GNAT3: variants seen among roughly 807,000 people sequenced by gnomAD.
The protein encoded by GNAT3 is guanine nucleotide-binding protein G(t) subunit alpha-3.
In GNAT3, 31 loss-of-function variants were observed where a neutral mutation model predicts 37.7. That is an observed-to-expected ratio of 0.82 (90% CI 0.62 to 1.11). GNAT3 has a LOEUF of 1.11. Among genes scored for constraint, GNAT3 ranks in the 50% most tolerant of loss-of-function variants. GNAT3 has a pLI of 0.00. For synonymous variants in GNAT3, 138 were observed against 139.8 expected (o/e 0.99, Z 0.09); for missense variants, 437 against 412.5 (o/e 1.06, Z -0.51).
At chr7:80,479,023 A>T (rs1790348812) in intron 3 of GNAT3, 25 bp from the exon 4 acceptor site, 1 of 1,511,432 alleles carries the variant, frequency 6.6e-7, no homozygotes, top group African/African-American at 1.4e-5. Flanking sequence ...TGGTGAGAAT[A>T]AGTATGTATT....
chr7:80,490,519 C>T lies in GNAT3; in HGVS notation c.162-1843G>A, dbSNP rs76178572. Among the ~76,000 whole-genome samples the T allele has an allele frequency of 6.8e-3, 1,033 of 152,102 alleles. 9 individuals are homozygous for T. The highest frequency in any genetic ancestry group is 0.023 in the African/African-American group (959 of 41,484). On this transcript the variant is annotated intron_variant, in intron 2 of 7. Transcript: ENST00000398291. ...GTGTAAGGTATCAAAGAAGACATCCCGGAAGCAGTGATAATCAGCTGATTG... is the reference window on the plus strand; with the variant it reads ...GTGTAAGGTATCAAAGAAGACATCCTGGAAGCAGTGATAATCAGCTGATTG...
In GNAT3 at chr7:80,458,778, A is replaced by C; in HGVS notation, c.958T>G (p.Tyr320Asp). 1 of 1,597,608 alleles carries C rather than the reference A, an allele frequency of 6.3e-7. No homozygotes were observed. Among genetic ancestry groups the C allele is most frequent in the East Asian group, 2.2e-5 (1 of 44,544 alleles). ...LNLKKEDKEIYSHMTCATDTQ... is the reference protein window; with the variant it reads ...LNLKKEDKEIDSHMTCATDTQ... The stretch of plus-strand genomic sequence containing the variant: ...TCAGTAGCACAGGTCATGTGGGAAT[A>C]AATTTCCTTATCTTCTTTTTTTAAA... The change falls in exon 8 of 8, where the codon TAT (tyrosine) becomes GAT (aspartate). Residue 320 changes from tyrosine to aspartate, a missense_variant. Physicochemically the swap from Tyr to Asp is radical, Grantham distance 160 (BLOSUM62 -3). Transcript: ENST00000398291.
At position 80,468,059 on chromosome 7, in the gene GNAT3, C is replaced by G. The variant is rs1584169461; in HGVS notation, c.591-5428G>C. On this transcript the variant is annotated intron_variant, in intron 5 of 7. Coordinates refer to ENST00000398291, the MANE Select transcript of GNAT3 (RefSeq NM_001102386.3). ...AATTTATGATGTAGCTAAAAATTGA[C>G]AGGCCAGGCTTTTAAGTGACAGTCG... Among the ~76,000 whole-genome samples, 6 of 151,844 alleles carry G rather than the reference C, an allele frequency of 4.0e-5. No individual in the cohort carries two copies. In the South Asian group the frequency reaches 1.2e-3, roughly 31 times the overall value.
In GNAT3 at chr7:80,478,902, G is replaced by T. The variant is rs967675472; in HGVS notation, c.400C>A (p.Pro134Thr). 3.1e-6 allele frequency: 5 copies of T among 1,613,368 alleles called. No homozygotes were observed. In the East Asian group the frequency reaches 8.9e-5, roughly 29 times the overall value. The stretch of plus-strand genomic sequence containing the variant: ...CTTTCAAAGCAGGCCTGAATTCCTG[G>T]ATCTCTCCACAGCCGTTTTATTACC... ...AEVIKRLWRDPGIQACFERAS... is the reference protein window; with the variant it reads ...AEVIKRLWRDTGIQACFERAS... The change falls in exon 4 of 8, where the codon CCA becomes ACA. Residue 134 changes from proline (P) to threonine (T), a missense_variant. Physicochemically the swap from Pro to Thr is conservative, Grantham distance 38. Transcript: ENST00000398291.
Position 80,511,789 on chromosome 7 carries a change from C to A in GNAT3, c.118+20G>T. 1.3e-6 allele frequency: 2 copies of A among 1,525,728 alleles called. No homozygotes were observed. Among genetic ancestry groups the A allele is most frequent in the Non-Finnish European group, 9.0e-7 (1 of 1,108,310 alleles). The allele number at this position is 1,525,728 out of a possible 1,614,324, so 94.5% of individuals were successfully genotyped here. A position where few individuals can be genotyped will look rare whatever the true frequency, so the allele number is the denominator to read the frequency against. On this transcript the variant is annotated intron_variant, in intron 1 of 7. Transcript: ENST00000398291. ...GAAAAAAAAGTCAGGTTTTTGAAAG[C>A]AAAAGGGAAAAGAAATTACCTAATA... is the stretch of plus-strand genomic sequence containing the variant.
chr7:80,492,490 T>C (rs989899294), intron 2 of GNAT3, among the ~76,000 whole-genome samples: 3 of 151,934 alleles, frequency 2.0e-5, no homozygotes, highest in Admixed American at 6.6e-5. Context: ...TTGTAATAGT[T>C]ATATAATATT....
In GNAT3 at chr7:80,488,567, G is replaced by A. The variant is rs6956292; in HGVS notation, c.271C>T (p.Leu91Phe). 4.4e-6 allele frequency: 7 copies of A among 1,600,714 alleles called. No individual in the cohort carries two copies. The East Asian group carries it at 1.6e-4, about 36-fold the overall frequency. The part of the protein sequence containing the change: ...ILAIVKAMTT[L>F]GIDYVNPRSA... Reference sequence around the variant, plus strand: ...CTGGGATTTACATAATCAATTCCAAGGGTAGTCATGGCTTTCACAATAGCT... The same window carrying A: ...CTGGGATTTACATAATCAATTCCAAAGGTAGTCATGGCTTTCACAATAGCT... Residue 91 changes from leucine to phenylalanine, a missense_variant, in exon 3 of 8, where the codon CTT becomes TTT. By Grantham distance (22) the Leu-to-Phe change is conservative (BLOSUM62 0). Coordinates refer to ENST00000398291, the MANE Select transcript of GNAT3 (RefSeq NM_001102386.3).
chr7:80,471,491 G>A (rs1343608362), intron 5 of GNAT3, among the ~76,000 whole-genome samples: 3 of 151,856 alleles, frequency 2.0e-5, no homozygotes, highest in Non-Finnish European at 4.4e-5. Context: ...GAGGATTTAC[G>A]TGTTTATTGG....
intron 1 of GNAT3, among the ~76,000 whole-genome samples, chr7:80,508,932 A>G (rs944255754): frequency 1.3e-5 from 2 of 152,068 alleles, no homozygotes; most frequent in African/African-American, 4.8e-5. Flanking sequence ...TAGATTTCTT[A>G]TTTTTGTAAA....
intron 2 of GNAT3, among the ~76,000 whole-genome samples, chr7:80,489,819 C>T (rs535572256): frequency 6.6e-6 from 1 of 152,106 alleles, no homozygotes; most frequent in South Asian, 2.1e-4. Flanking sequence ...TTAAAGAAAT[C>T]CCAGTTTTCT....
At position 80,486,912 on chromosome 7, in the gene GNAT3, G is replaced by A. The variant is rs140033219; in HGVS notation, c.303+1623C>T. On this transcript the variant is annotated intron_variant, in intron 3 of 7. Transcript: ENST00000398291. ...CTCTGACACAAATGCATGGAATACC[G>A]TATTGCATCTACAAATTTAAACATC... Among the ~76,000 whole-genome samples, 566 of 152,152 alleles carry A rather than the reference G, an allele frequency of 3.7e-3. 2 individuals are homozygous for A. Among genetic ancestry groups the A allele is most frequent in the African/African-American group, 0.013 (539 of 41,538 alleles).
In GNAT3 at chr7:80,511,850, T is replaced by C. The variant is rs73369087; in HGVS notation, c.77A>G (p.Asp26Gly). ...TACGGTTCTTGCATCTCGCTCAGCA[T>C]CCTCCTGAAGCTTTTTCTCCAGTTC... is the stretch of plus-strand genomic sequence containing the variant. ...SKELEKKLQE[D>G]AERDARTVKL... The change falls in exon 1 of 8, where the codon GAT (aspartate) becomes GGT (glycine). Residue 26 changes from aspartate to glycine, a missense_variant. By Grantham distance (94) the Asp-to-Gly change is moderately conservative. Transcript: ENST00000398291. 1.2e-6 allele frequency: 2 copies of C among 1,612,320 alleles called. No individual in the cohort carries two copies. The highest frequency in any genetic ancestry group is 2.7e-5 in the African/African-American group (2 of 75,010).
At chr7:80,501,915 C>T (rs1413997738) in intron 1 of GNAT3, among the ~76,000 whole-genome samples, 1 of 151,934 alleles carries the variant, frequency 6.6e-6, no homozygotes, top group Non-Finnish European at 1.5e-5. Context: ...CCTCATCAGC[C>T]AAACTAAGTA....
chr7:80,488,669 G>C lies in GNAT3; in HGVS notation c.169C>G (p.His57Asp). 1 of 1,571,304 alleles carries C rather than the reference G, an allele frequency of 6.4e-7. No individual in the cohort carries two copies. The change falls in exon 3 of 8, where the codon CAT (histidine) becomes GAT (aspartate). Residue 57 changes from histidine to aspartate, a missense_variant. Physicochemically the swap from His to Asp is moderately conservative, Grantham distance 81. Coordinates refer to ENST00000398291, the MANE Select transcript of GNAT3 (RefSeq NM_001102386.3). Reference sequence around the variant, plus strand: ...TCTTGCTCACTGTAACCATTCTTATGGATGATCCTATAATTTAAACATGAA... The same window carrying C: ...TCTTGCTCACTGTAACCATTCTTATCGATGATCCTATAATTTAAACATGAA... The part of the protein sequence containing the change: ...STIVKQMKII[H>D]KNGYSEQECM...
chr7:80,472,825 A>C (rs1411372980), intron 5 of GNAT3, among the ~76,000 whole-genome samples: 1 of 152,180 alleles, frequency 6.6e-6, no homozygotes, highest in African/African-American at 2.4e-5. Context: ...CAAGCAAATA[A>C]AGAAAAGGTT....
At chr7:80,462,693 G>A in intron 5 of GNAT3, 62 bp from the exon 6 acceptor site, 1 of 1,398,836 alleles carries the variant, frequency 7.1e-7, no homozygotes, top group South Asian at 1.3e-5. Context: ...GTGCATTGAG[G>A]TTAACATTTA....
At chr7:80,462,435 G>A (rs1390641620) in intron 6 of GNAT3, 67 bp downstream of exon 6, 19 of 1,574,306 alleles carry the variant, frequency 1.2e-5, no homozygotes, top group Non-Finnish European at 5.2e-6. Context: ...GTTGGGCAAT[G>A]TGGTAGTACT....
chr7:80,462,606 A>G lies in GNAT3; in HGVS notation c.616T>C (p.Ser206Pro), dbSNP rs1562718895. The change falls in exon 6 of 8, where the codon TCT (serine) becomes CCT (proline). Residue 206 changes from serine (S) to proline (P), a missense_variant. Coordinates refer to ENST00000398291, the MANE Select transcript of GNAT3 (RefSeq NM_001102386.3). ...CAGTGAATCCACTTCTTTCTCTCAG[A>G]TCTCTGTCCACCTACATCAAACATC... ...FRMFDVGGQR[S>P]ERKKWIHCFE... is the part of the protein sequence containing the mutation. The G allele has an allele frequency of 1.2e-6, 2 of 1,612,050 alleles. No homozygotes were observed. Among genetic ancestry groups the G allele is most frequent in the Non-Finnish European group, 8.5e-7 (1 of 1,178,600 alleles).
At chr7:80,511,701 T>C in intron 1 of GNAT3, 108 bp downstream of exon 1, 1 of 618,076 alleles carries the variant, frequency 1.6e-6, no homozygotes, top group African/African-American at 1.9e-5. Context: ...ATTTTTATAA[T>C]AAATTTCCCA....
Sources: gnomAD v4.1 joint callset for allele counts (sites outside exome capture counted in the v4.1 genomes callset) on GRCh38, gnomAD v4.1.1 for gene constraint, MANE v1.5 for transcripts, NCBI Gene and HGNC (gene_info 2026-07-23, HGNC 2026-07-21) for gene names.